The following TRAPPC9 variants were observed in gnomAD, a reference collection of about 807,000 sequenced individuals.
TRAPPC9 encodes IKK2 binding protein.
A neutral mutation model predicts 124.0 loss-of-function variants in TRAPPC9; 83 were observed. The ratio of observed to expected loss-of-function variants is 0.67; its 90% CI spans 0.56 to 0.80. The LOEUF is 0.80. TRAPPC9 is among the 30% of genes least tolerant of loss of function. TRAPPC9 has a pLI of 0.00. For synonymous variants in TRAPPC9, 638 were observed against 617.5 expected (o/e 1.03, Z -0.49); for missense variants, 1,302 against 1,508.3 (o/e 0.86, Z 2.27).
intron 17 of TRAPPC9, among the ~76,000 whole-genome samples, chr8:140,170,138 C>T (rs1008963399): frequency 2.6e-5 from 4 of 152,220 alleles, no homozygotes; most frequent in African/African-American, 9.6e-5. Flanking sequence ...AACAGAAGCC[C>T]TATCAGGATG....
At chr8:140,298,227 C>T (rs1440083709) in intron 11 of TRAPPC9, among the ~76,000 whole-genome samples, 1 of 152,214 alleles carries the variant, frequency 6.6e-6, no homozygotes, top group Non-Finnish European at 1.5e-5. Context: ...CAGCAAACAA[C>T]TTTATTTCCT....
At chr8:139,926,469 G>A (rs1264996945) in intron 19 of TRAPPC9, among the ~76,000 whole-genome samples, 5 of 152,118 alleles carry the variant, frequency 3.3e-5, no homozygotes, top group African/African-American at 1.2e-4. Context: ...TAAAGCAGCC[G>A]CTATAACCAG....
At chr8:140,438,766 C>T (rs986526883) in intron 3 of TRAPPC9, among the ~76,000 whole-genome samples, 2 of 152,152 alleles carry the variant, frequency 1.3e-5, no homozygotes, top group Middle Eastern at 3.2e-3. Flanking sequence ...AACCTCTGCT[C>T]ACTGCAACTT....
rs1367487316 is a variant in TRAPPC9, at chr8:140,127,269, T to C, written c.2556+94190A>G. Among the ~76,000 whole-genome samples the C allele has an allele frequency of 4.6e-5, 7 of 152,202 alleles. No individual in the cohort carries two copies. The East Asian group carries it at 1.2e-3, about 25-fold the overall frequency. On this transcript the variant is annotated intron_variant, in intron 17 of 22. Transcript: ENST00000438773. ...GCATGCACCAAGCCTACCTGCGTGATGGACAGGGGCTCAGGACATATTTAT... is the reference window on the plus strand; with the variant it reads ...GCATGCACCAAGCCTACCTGCGTGACGGACAGGGGCTCAGGACATATTTAT...
intron 7 of TRAPPC9, among the ~76,000 whole-genome samples, chr8:140,377,155 T>TG (rs2068466141): frequency 2.0e-5 from 3 of 152,214 alleles, no homozygotes; most frequent in Admixed American, 2.0e-4. Flanking sequence ...CCCACTCCTT[T>TG]GGCTTCAAGA....
chr8:139,960,616 T>C (rs36160404), intron 19 of TRAPPC9, among the ~76,000 whole-genome samples: 99,276 of 111,600 alleles, frequency 0.89, 44,906 homozygotes, highest in East Asian at 0.99. Context: ...CTGTCAAGTC[T>C]GGACTCTGCC....
At chr8:140,213,711 G>T (rs541273894) in intron 17 of TRAPPC9, among the ~76,000 whole-genome samples, 1 of 152,160 alleles carries the variant, frequency 6.6e-6, no homozygotes, top group Non-Finnish European at 1.5e-5. Flanking sequence ...TGACAAGGGG[G>T]AGCAGGAACC....
In TRAPPC9 at chr8:140,306,082, C is replaced by T. The variant is rs141389659; in HGVS notation, c.1622+5166G>A. 1.1e-3 allele frequency among the ~76,000 whole-genome samples: 175 copies of T among 152,308 alleles called. 1 individual carries two copies. The highest frequency in any genetic ancestry group is 3.8e-3 in the African/African-American group (159 of 41,562). The stretch of plus-strand genomic sequence containing the variant: ...GTACACATCAGTATCCCTCACACAT[C>T]ATCATGACAGTCTTAGAGAAGGAAG... On this transcript the variant is annotated intron_variant, in intron 10 of 22. Transcript: ENST00000438773.
intron 19 of TRAPPC9, among the ~76,000 whole-genome samples, chr8:139,925,546 G>A (rs1220871972): frequency 6.6e-6 from 1 of 151,964 alleles, no homozygotes; most frequent in Non-Finnish European, 1.5e-5. Flanking sequence ...CCAGGAGTTC[G>A]AGACCAGCCT....
intron 19 of TRAPPC9, among the ~76,000 whole-genome samples, chr8:139,973,676 C>T (rs1199351159): frequency 1.3e-5 from 2 of 152,176 alleles, no homozygotes; most frequent in Non-Finnish European, 2.9e-5. Flanking sequence ...CCGGAAGGCA[C>T]GGGTGAAACC....
chr8:140,055,676 A>T (rs1842251669), intron 17 of TRAPPC9, among the ~76,000 whole-genome samples: 1 of 152,256 alleles, frequency 6.6e-6, no homozygotes, highest in Admixed American at 6.5e-5. Flanking sequence ...AGGATGCAAC[A>T]TACAAACATT....
intron 17 of TRAPPC9, among the ~76,000 whole-genome samples, chr8:140,048,741 G>A (rs1182632266): frequency 6.6e-6 from 1 of 152,150 alleles, no homozygotes; most frequent in African/African-American, 2.4e-5. Context: ...GTGGAGGTGC[G>A]GGGTCCAGCG....
intron 21 of TRAPPC9, among the ~76,000 whole-genome samples, chr8:139,845,582 C>T (rs1049678500): frequency 6.6e-6 from 1 of 152,158 alleles, no homozygotes; most frequent in Non-Finnish European, 1.5e-5. Context: ...GTGCAAATTC[C>T]AGGAGGTCTC....
chr8:140,054,017 T>C (rs1842154900), intron 17 of TRAPPC9, among the ~76,000 whole-genome samples: 1 of 152,232 alleles, frequency 6.6e-6, no homozygotes, highest in South Asian at 2.1e-4. Flanking sequence ...TCATGCCCTT[T>C]GCTACAACAT....
At chr8:140,418,479 G>T (rs147642062) in intron 5 of TRAPPC9, among the ~76,000 whole-genome samples, 3 of 152,118 alleles carry the variant, frequency 2.0e-5, no homozygotes, top group African/African-American at 7.2e-5. Context: ...CCAGCACTTT[G>T]GGAGGCCAAG....
At chr8:140,352,194 G>A (rs532545160) in intron 9 of TRAPPC9, among the ~76,000 whole-genome samples, 3 of 152,380 alleles carry the variant, frequency 2.0e-5, no homozygotes, top group African/African-American at 7.2e-5. Flanking sequence ...CAGCAGGGAT[G>A]AGTAGTTCAC....
At chr8:140,300,423 A>T (rs746045505) in intron 11 of TRAPPC9, 46 bp downstream of exon 11, 1 of 1,613,498 alleles carries the variant, frequency 6.2e-7, no homozygotes, top group Admixed American at 1.7e-5. Flanking sequence ...AGCCATTGGA[A>T]ATCAGGTGGC....
At chr8:139,802,636 C>T (rs1823618168) in intron 21 of TRAPPC9, among the ~76,000 whole-genome samples, 1 of 152,152 alleles carries the variant, frequency 6.6e-6, no homozygotes, top group Non-Finnish European at 1.5e-5. Flanking sequence ...TATGTTAGTC[C>T]AGTAGTGCAA....
chr8:140,005,473 G>T (rs1042896954), intron 18 of TRAPPC9, among the ~76,000 whole-genome samples: 14 of 152,326 alleles, frequency 9.2e-5, no homozygotes, highest in African/African-American at 2.9e-4. Flanking sequence ...ATAATTCTAA[G>T]CGGCAGCCTG....
Sources: gnomAD v4.1 joint callset for allele counts (sites outside exome capture counted in the v4.1 genomes callset) on GRCh38, gnomAD v4.1.1 for gene constraint, MANE v1.5 for transcripts, NCBI Gene and HGNC (gene_info 2026-07-23, HGNC 2026-07-21) for gene names.